Variants in TBC1D5 observed in about 807,000 individuals in gnomAD.
TBC1D5 encodes the protein TBC1 domain family member 5.
In TBC1D5, 75 loss-of-function variants were observed where a neutral mutation model predicts 100.3. The observed-to-expected ratio is 0.75, with a 90% CI of 0.62 to 0.91. TBC1D5 has a LOEUF of 0.91. Ranked by LOEUF, TBC1D5 falls within the 40% of genes least tolerant of loss-of-function variation. The pLI, the probability that TBC1D5 is intolerant of heterozygous loss-of-function variation, is 0.00. For missense variants in TBC1D5, 910 were observed against 942.4 expected (o/e 0.97, Z 0.45); for synonymous variants, 323 against 325.6 (o/e 0.99, Z 0.09).
chr3:17,240,886 T>C (rs1214744234), intron 16 of TBC1D5, among the ~76,000 whole-genome samples: 1 of 152,190 alleles, frequency 6.6e-6, no homozygotes, highest in Admixed American at 6.5e-5. Context: ...ATCAAGAGAA[T>C]ACGGTTAATG....
intron 15 of TBC1D5, among the ~76,000 whole-genome samples, chr3:17,287,421 C>T (rs1356179277): frequency 1.3e-5 from 2 of 152,170 alleles, no homozygotes; most frequent in African/African-American, 4.8e-5. Flanking sequence ...CTATCTGAAC[C>T]TGAAAATTGT....
At chr3:17,601,805 A>G (rs1386709344) in intron 2 of TBC1D5, among the ~76,000 whole-genome samples, 2 of 152,198 alleles carry the variant, frequency 1.3e-5, no homozygotes, top group East Asian at 3.8e-4. Flanking sequence ...CTTATTTAAT[A>G]TCACACAGTT....
chr3:17,564,926 T>C (rs1486114134), intron 2 of TBC1D5, among the ~76,000 whole-genome samples: 1 of 152,160 alleles, frequency 6.6e-6, no homozygotes, highest in Non-Finnish European at 1.5e-5. Flanking sequence ...CATATATTCA[T>C]TTTTGTTGTG....
intron 3 of TBC1D5, among the ~76,000 whole-genome samples, chr3:17,455,022 G>A (rs991578726): frequency 1.3e-5 from 2 of 151,412 alleles, no homozygotes; most frequent in African/African-American, 4.9e-5. Flanking sequence ...ACTACCCAAA[G>A]CAGTCTGCAG....
chr3:17,385,502 T>C (rs2093116971), intron 8 of TBC1D5, among the ~76,000 whole-genome samples: 1 of 152,124 alleles, frequency 6.6e-6, no homozygotes. Context: ...GCTACTTTGT[T>C]GGTGCCTTGG....
At chr3:17,275,979 A>C (rs1185756688) in intron 15 of TBC1D5, among the ~76,000 whole-genome samples, 1 of 152,172 alleles carries the variant, frequency 6.6e-6, no homozygotes, top group African/African-American at 2.4e-5. Flanking sequence ...ATATGGAGTT[A>C]AGTAAGTTGT....
upstream of TBC1D5, among the ~76,000 whole-genome samples, chr3:17,742,223 C>A (rs528037151): frequency 1.3e-5 from 2 of 152,130 alleles, no homozygotes; most frequent in Admixed American, 6.5e-5. Flanking sequence ...CCATCCACCC[C>A]CGACGCCGAC....
chr3:17,483,350 T>C (rs1023678530), intron 3 of TBC1D5, among the ~76,000 whole-genome samples: 3 of 152,158 alleles, frequency 2.0e-5, no homozygotes, highest in Non-Finnish European at 4.4e-5. Flanking sequence ...TAAATTTCTA[T>C]TCCTAATTGC....
At chr3:17,370,730 T>C (rs1215030045) in intron 13 of TBC1D5, among the ~76,000 whole-genome samples, 1 of 152,180 alleles carries the variant, frequency 6.6e-6, no homozygotes, top group East Asian at 1.9e-4. Context: ...AATGAGAATA[T>C]AAACAAAACA....
chr3:17,445,822 T>C (rs2094778584), intron 3 of TBC1D5, among the ~76,000 whole-genome samples: 2 of 152,202 alleles, frequency 1.3e-5, no homozygotes, highest in South Asian at 2.1e-4. Context: ...AGGGATCCAC[T>C]TCAAGTCTTG....
In TBC1D5 at chr3:17,412,030, T is replaced by C. The variant is rs185457395; in HGVS notation, c.168-5504A>G. Among the ~76,000 whole-genome samples, 16 of 152,310 alleles carry C rather than the reference T, an allele frequency of 1.1e-4. No individual in the cohort carries two copies. The East Asian group carries it at 3.1e-3, about 29-fold the overall frequency. On this transcript the variant is annotated intron_variant, in intron 4 of 21. Coordinates refer to ENST00000253692, the Ensembl canonical transcript of TBC1D5. ...AACACAGAGTAAATATAAACATTTA[T>C]TAAGCGCCTACTATGTGCTTAGCAC...
intron 3 of TBC1D5, among the ~76,000 whole-genome samples, chr3:17,443,672 A>C (rs6788957): frequency 0.091 from 13,887 of 152,246 alleles, 1,429 homozygotes; most frequent in African/African-American, 0.26. Context: ...ATGGTGTATA[A>C]TCTTGAACAG....
At chr3:17,166,780 C>T (rs1303097349) in exon 21 of TBC1D5, 12 of 1,609,782 alleles carry the variant, frequency 7.5e-6, no homozygotes, top group East Asian at 2.2e-5. Context: ...TTTAATGGCC[C>T]CTGACATTTG....
At chr3:17,240,115 A>G (rs2076187307) in intron 16 of TBC1D5, among the ~76,000 whole-genome samples, 1 of 152,192 alleles carries the variant, frequency 6.6e-6, no homozygotes, top group Non-Finnish European at 1.5e-5. Context: ...ATGTTGCTGT[A>G]AAACAGAACA....
chr3:17,492,527 G>A (rs891935675), intron 3 of TBC1D5, among the ~76,000 whole-genome samples: 4 of 151,826 alleles, frequency 2.6e-5, no homozygotes, highest in Admixed American at 6.6e-5. Flanking sequence ...CTCCATGTCC[G>A]GGATTCAAGT....
At chr3:17,661,473 A>G (rs2066636924) in intron 1 of TBC1D5, among the ~76,000 whole-genome samples, 1 of 150,442 alleles carries the variant, frequency 6.6e-6, no homozygotes, top group Non-Finnish European at 1.5e-5. Flanking sequence ...AACTTTTTCT[A>G]TATGATTTTT....
rs530836145 is a variant in TBC1D5 at position 17,490,264 on chromosome 3, T to G, written c.97+18210A>C. On this transcript the variant is annotated intron_variant, in intron 3 of 21. Transcript: ENST00000253692. Reference sequence around the variant, plus strand: ...TTTAGACCTTTGTCAGATGGAGATATTGCAAAAATTTTCTCCCATACTGTA... The same window carrying G: ...TTTAGACCTTTGTCAGATGGAGATAGTGCAAAAATTTTCTCCCATACTGTA... Among the ~76,000 whole-genome samples the G allele has an allele frequency of 2.6e-5, 4 of 152,278 alleles. No individual in the cohort carries two copies. In the South Asian group the frequency reaches 8.3e-4, roughly 32 times the overall value.
rs565996677 is a variant in TBC1D5 at position 17,214,897 on chromosome 3, G to A, written c.1589-527C>T. Among the ~76,000 whole-genome samples, 41 of 152,186 alleles carry A rather than the reference G, an allele frequency of 2.7e-4. No homozygotes were observed. In the South Asian group the frequency reaches 7.5e-3, roughly 28 times the overall value. ...AAAACCTGAAGAAGGTGAAGTACCCGCTTTGCAGCAAATATGCAAGAACAG... is the reference window on the plus strand; with the variant it reads ...AAAACCTGAAGAAGGTGAAGTACCCACTTTGCAGCAAATATGCAAGAACAG... On this transcript the variant is annotated intron_variant, in intron 17 of 21. Coordinates refer to ENST00000253692, the Ensembl canonical transcript of TBC1D5.
At chr3:17,735,221 G>A (rs916863957) in intron 1 of TBC1D5, among the ~76,000 whole-genome samples, 4 of 152,158 alleles carry the variant, frequency 2.6e-5, no homozygotes, top group Non-Finnish European at 5.9e-5. Context: ...AGTGTTCAAC[G>A]TAGCACTATT....
Sources: gnomAD v4.1 joint callset for allele counts (sites outside exome capture counted in the v4.1 genomes callset) on GRCh38, gnomAD v4.1.1 for gene constraint, MANE v1.5 for transcripts, NCBI Gene and HGNC (gene_info 2026-07-23, HGNC 2026-07-21) for gene names.